COL21A1: variants seen among roughly 807,000 people sequenced by gnomAD.
COL21A1 encodes collagen type XXI alpha 1 chain, also known as collagen alpha-1(XXI) chain.
Under a neutral mutation model 137.9 loss-of-function variants are expected in COL21A1, and 149 were observed. The observed-to-expected ratio is 1.08, with a 90% confidence interval of 0.95 to 1.24. The LOEUF is 1.24. COL21A1 is among the 50% of genes most tolerant of loss of function. The pLI, the probability that COL21A1 is intolerant of heterozygous loss-of-function variation, is 0.00. For missense variants in COL21A1, 1,167 were observed against 1,158.4 expected, an observed-to-expected ratio of 1.01 and a Z score of -0.11; for synonymous variants, 456 against 391.5, an observed-to-expected ratio of 1.16 and a Z score of -1.95.
chr6:56,390,991 C>T (rs2094028517), intron 1 of COL21A1, among the ~76,000 whole-genome samples: 1 of 152,130 alleles, frequency 6.6e-6, no homozygotes, highest in Non-Finnish European at 1.5e-5. Flanking sequence ...ATTTACAGAG[C>T]ATTTGATCCA....
chr6:56,076,921 C>T (rs1425096919), intron 18 of COL21A1, among the ~76,000 whole-genome samples: 2 of 151,270 alleles, frequency 1.3e-5, no homozygotes, highest in Admixed American at 1.3e-4. Flanking sequence ...CATATCTAGA[C>T]ATATTGTAGT....
At chr6:56,090,137 G>T (rs190465380) in intron 17 of COL21A1, among the ~76,000 whole-genome samples, 1 of 152,296 alleles carries the variant, frequency 6.6e-6, no homozygotes, top group East Asian at 1.9e-4. Context: ...TACTCAGGAG[G>T]CTGAGGCAGG....
chr6:56,223,529 T>C (rs960092144), intron 1 of COL21A1, among the ~76,000 whole-genome samples: 2 of 152,124 alleles, frequency 1.3e-5, no homozygotes, highest in Admixed American at 1.3e-4. Flanking sequence ...GCTTAGCACA[T>C]TTGTTTAATG....
In COL21A1 at chr6:56,243,090, C is replaced by T. The variant is rs145243788; in HGVS notation, c.-39+4297G>A. On this transcript the variant is annotated intron_variant, in intron 1 of 29. Coordinates refer to ENST00000244728, the MANE Select transcript of COL21A1 (RefSeq NM_030820.4). Reference sequence around the variant, plus strand: ...CAAACCTGTTCCCTCATTTATATTACGCAAATTCTAATATCCCTAACCATT... The same window carrying T: ...CAAACCTGTTCCCTCATTTATATTATGCAAATTCTAATATCCCTAACCATT... 3.6e-3 allele frequency among the ~76,000 whole-genome samples: 553 copies of T among 152,272 alleles called. 6 individuals carry two copies. The highest frequency in any genetic ancestry group is 0.012 in the African/African-American group (517 of 41,556).
At position 56,057,079 on chromosome 6, in the gene COL21A1, A is replaced by ACTC. The variant is rs1652142525; in HGVS notation, c.*575_*577dup. On this transcript the variant is annotated 3_prime_UTR_variant, in exon 30 of 30. Coordinates refer to ENST00000244728, the MANE Select transcript of COL21A1 (RefSeq NM_030820.4). Reference sequence around the variant, plus strand: ...TAGAGTTTGAAATGAATTAAGAAACACTCTAATCTTATTCAGAGGTGCTAT... The same window carrying ACTC: ...TAGAGTTTGAAATGAATTAAGAAACACTCCTCTAATCTTATTCAGAGGTGCTAT... 1 of 152,410 alleles carries ACTC rather than the reference A, an allele frequency of 6.6e-6. No homozygotes were observed. The highest frequency in any genetic ancestry group is 2.4e-5 in the African/African-American group (1 of 41,474). The allele number at this position is 152,410 out of a possible 1,614,324, so 9.4% of individuals were successfully genotyped here.
chr6:56,368,719 G>T (rs956549935), intron 1 of COL21A1, among the ~76,000 whole-genome samples: 1 of 152,010 alleles, frequency 6.6e-6, no homozygotes, highest in African/African-American at 2.4e-5. Flanking sequence ...GAAGCTTCAA[G>T]GTCACTTCCT....
At chr6:56,161,778 A>G (rs970646909) in intron 9 of COL21A1, among the ~76,000 whole-genome samples, 3 of 152,140 alleles carry the variant, frequency 2.0e-5, no homozygotes, top group Non-Finnish European at 2.9e-5. Flanking sequence ...AGTGTGGTGT[A>G]CCTTGTCATT....
intron 1 of COL21A1, among the ~76,000 whole-genome samples, chr6:56,364,352 GAAAC>G (rs1421433227): frequency 6.6e-6 from 1 of 152,114 alleles, no homozygotes; most frequent in African/African-American, 2.4e-5. Flanking sequence ...TACCTCCATG[GAAAC>G]AAACAGTTTC....
At chr6:56,101,834 C>T (rs1346652052) in intron 16 of COL21A1, among the ~76,000 whole-genome samples, 2 of 152,012 alleles carry the variant, frequency 1.3e-5, no homozygotes, top group Non-Finnish European at 2.9e-5. Flanking sequence ...GACCAATATT[C>T]TATATCAGTC....
intron 1 of COL21A1, among the ~76,000 whole-genome samples, chr6:56,227,082 A>G (rs944160704): frequency 1.3e-5 from 2 of 152,000 alleles, no homozygotes; most frequent in East Asian, 1.9e-4. Context: ...GTTCCAGATC[A>G]TGAAAACTCT....
intron 10 of COL21A1, among the ~76,000 whole-genome samples, chr6:56,147,934 A>G (rs924986890): frequency 2.2e-4 from 34 of 151,666 alleles, no homozygotes; most frequent in African/African-American, 7.8e-4. Flanking sequence ...ATATCTGAAA[A>G]TAGTATCTCT....
chr6:56,118,542 A>C (rs527476050), intron 16 of COL21A1, among the ~76,000 whole-genome samples: 2 of 152,188 alleles, frequency 1.3e-5, no homozygotes, highest in South Asian at 4.1e-4. Flanking sequence ...CTATTCTGAA[A>C]AATAGAGGAA....
chr6:56,378,879 C>G (rs945957861), intron 1 of COL21A1, among the ~76,000 whole-genome samples: 3 of 152,160 alleles, frequency 2.0e-5, no homozygotes, highest in East Asian at 1.9e-4. Context: ...GCTCAGAACA[C>G]AGAAAGAGAC....
intron 9 of COL21A1, among the ~76,000 whole-genome samples, chr6:56,163,139 C>T (rs1349293811): frequency 6.6e-6 from 1 of 152,010 alleles, no homozygotes; most frequent in African/African-American, 2.4e-5. Flanking sequence ...TCAGAAAATT[C>T]GCTAATCAGA....
At chr6:56,163,493 G>T (rs553886136) in intron 9 of COL21A1, among the ~76,000 whole-genome samples, 6 of 152,062 alleles carry the variant, frequency 3.9e-5, no homozygotes, top group African/African-American at 1.4e-4. Context: ...GGCGGATCAC[G>T]AGGTCAAGAG....
At chr6:56,351,410 G>A (rs1315480105) in intron 1 of COL21A1, among the ~76,000 whole-genome samples, 2 of 152,194 alleles carry the variant, frequency 1.3e-5, no homozygotes, top group African/African-American at 4.8e-5. Flanking sequence ...CCTGTCACAT[G>A]TAACTGCACA....
At chr6:56,129,705 A>T (rs912003726) in intron 12 of COL21A1, among the ~76,000 whole-genome samples, 26 of 127,524 alleles carry the variant, frequency 2.0e-4, no homozygotes, top group African/African-American at 4.5e-4. Flanking sequence ...TGTGTGAGAG[A>T]GAGAGAGAGA....
chr6:56,123,518 A>C (rs940286811), intron 16 of COL21A1, among the ~76,000 whole-genome samples: 1 of 152,218 alleles, frequency 6.6e-6, no homozygotes, highest in Non-Finnish European at 1.5e-5. Context: ...TGGCCTCTTC[A>C]GCTCTGATGG....
chr6:56,208,061 A>G (rs1779907564), intron 1 of COL21A1, among the ~76,000 whole-genome samples: 1 of 152,116 alleles, frequency 6.6e-6, no homozygotes, highest in African/African-American at 2.4e-5. Flanking sequence ...TTTATGACAA[A>G]CCCACAGCCA....
Sources: allele counts gnomAD v4.1 joint callset (sites outside exome capture counted in the v4.1 genomes callset), GRCh38; gene constraint gnomAD v4.1.1; transcripts MANE v1.5; gene names NCBI Gene and HGNC (gene_info 2026-07-23, HGNC 2026-07-21).